SPIN1: variants seen among roughly 807,000 people sequenced by gnomAD.
SPIN1 encodes spindlin 1.
SPIN1 carries 3 observed loss-of-function variants against 26.0 expected under a neutral mutation model. That is an observed-to-expected ratio of 0.12 (90% CI 0.05 to 0.30). The LOEUF is 0.30. SPIN1 is among the 10% of genes least tolerant of loss of function. The pLI, the probability that SPIN1 is intolerant of heterozygous loss-of-function variation, is 1.00. For missense variants in SPIN1, 126 were observed against 333.4 expected, an observed-to-expected ratio of 0.38 and a Z score of 4.84; for synonymous variants, 101 against 116.5, an observed-to-expected ratio of 0.87 and a Z score of 0.86.
chr9:88,417,852 T>A (rs1441294078), intron 1 of SPIN1, among the ~76,000 whole-genome samples: 1 of 152,224 alleles, frequency 6.6e-6, no homozygotes, highest in African/African-American at 2.4e-5. Context: ...AAAGAGGTTT[T>A]GTAATTTGCT....
chr9:88,421,351 G>A (rs891365198), intron 1 of SPIN1, among the ~76,000 whole-genome samples: 19 of 152,020 alleles, frequency 1.2e-4, no homozygotes, highest in Admixed American at 6.6e-4. Flanking sequence ...TGCCCAAGCC[G>A]AAGTGCAGTG....
intron 3 of SPIN1, among the ~76,000 whole-genome samples, chr9:88,459,174 T>C (rs1355044488): frequency 6.6e-6 from 1 of 152,228 alleles, no homozygotes; most frequent in Non-Finnish European, 1.5e-5. Flanking sequence ...GCACTAAATA[T>C]GAAGAAAGCC....
At chr9:88,427,937 A>C (rs557486847) in intron 2 of SPIN1, among the ~76,000 whole-genome samples, 2 of 152,278 alleles carry the variant, frequency 1.3e-5, no homozygotes, top group South Asian at 4.2e-4. Flanking sequence ...GGGGTTAAGG[A>C]CTAAATGAGA....
chr9:88,468,693 A>G (rs890467552), intron 5 of SPIN1, 88 bp downstream of exon 5: 3 of 823,768 alleles, frequency 3.6e-6, no homozygotes, highest in Non-Finnish European at 5.1e-6. Context: ...TTTTGCAGAT[A>G]CATTTTTATT....
chr9:88,455,385 G>A (rs2118161200), intron 3 of SPIN1, among the ~76,000 whole-genome samples: 1 of 152,340 alleles, frequency 6.6e-6, no homozygotes, highest in African/African-American at 2.4e-5. Flanking sequence ...GAACCGGGGA[G>A]ACAGAGGTTG....
chr9:88,451,851 G>A (rs931855254), intron 3 of SPIN1, among the ~76,000 whole-genome samples: 3 of 152,184 alleles, frequency 2.0e-5, no homozygotes, highest in South Asian at 2.1e-4. Context: ...GTGAGCCACC[G>A]TGCCCAGCCT....
chr9:88,476,904 G>A lies in SPIN1; in HGVS notation c.*1627G>A, dbSNP rs1156733279. On this transcript the variant is annotated 3_prime_UTR_variant, in exon 6 of 6. Coordinates refer to ENST00000375859, the MANE Select transcript of SPIN1 (RefSeq NM_006717.3). Reference sequence around the variant, plus strand: ...ATCAGAGGTCTGAGTGACCTCTTTTGTGGCTGTTCTTGATGGTTTCCAGGC... The same window carrying A: ...ATCAGAGGTCTGAGTGACCTCTTTTATGGCTGTTCTTGATGGTTTCCAGGC... 6.6e-6 allele frequency: 1 copy of A among 152,184 alleles called. No homozygotes were observed. The highest frequency in any genetic ancestry group is 2.4e-5 in the African/African-American group (1 of 41,438). The allele number at this position is 152,184 out of a possible 1,614,324, so 9.4% of individuals were successfully genotyped here.
At chr9:88,436,804 G>A (rs1278521085) in intron 2 of SPIN1, among the ~76,000 whole-genome samples, 2 of 119,916 alleles carry the variant, frequency 1.7e-5, no homozygotes, top group Non-Finnish European at 3.2e-5. Flanking sequence ...TCGCTCTGTC[G>A]CCCAGGCTGG....
chr9:88,396,354 C>A (rs949821188), intron 1 of SPIN1, among the ~76,000 whole-genome samples: 1 of 152,026 alleles, frequency 6.6e-6, no homozygotes, highest in Non-Finnish European at 1.5e-5. Context: ...GTACTCCCAG[C>A]ACTTTGGGAG....
intron 2 of SPIN1, among the ~76,000 whole-genome samples, chr9:88,444,398 G>T (rs1336867667): frequency 1.3e-5 from 2 of 151,528 alleles, no homozygotes; most frequent in African/African-American, 2.4e-5. Flanking sequence ...CTGCCACTAT[G>T]CCCGGCTAAT....
intron 5 of SPIN1, among the ~76,000 whole-genome samples, chr9:88,473,670 A>G (rs1416849226): frequency 8.0e-6 from 1 of 124,274 alleles, no homozygotes; most frequent in East Asian, 2.1e-4. Flanking sequence ...TGCACGCGCT[A>G]TGGAAGCTTA....
intron 1 of SPIN1, among the ~76,000 whole-genome samples, chr9:88,412,828 C>T (rs538967600): frequency 5.3e-5 from 8 of 151,206 alleles, no homozygotes; most frequent in East Asian, 2.0e-4. Flanking sequence ...GGACTACAGG[C>T]GCATGCCACC....
intron 1 of SPIN1, among the ~76,000 whole-genome samples, chr9:88,425,979 C>T (rs1227547160): frequency 1.3e-5 from 2 of 152,148 alleles, no homozygotes; most frequent in African/African-American, 4.8e-5. Flanking sequence ...CACCCCCATA[C>T]TCTGTTTCTT....
intron 5 of SPIN1, among the ~76,000 whole-genome samples, chr9:88,472,746 C>T (rs967390360): frequency 2.0e-5 from 3 of 152,196 alleles, no homozygotes; most frequent in African/African-American, 7.2e-5. Flanking sequence ...ACCTTGGCCT[C>T]GCAAAGTGCT....
Position 88,430,259 on chromosome 9 carries a change from C to T in SPIN1, c.52+3668C>T, listed in dbSNP as rs79062452. On this transcript the variant is annotated intron_variant, in intron 2 of 5. Transcript: ENST00000375859. ...TCTTCACTCACATGGGCTGATAGGA[C>T]TTAAATAGCCTGGAGCTTTAGCCAC... is the stretch of plus-strand genomic sequence containing the variant. Among the ~76,000 whole-genome samples, 728 of 152,278 alleles carry T rather than the reference C, an allele frequency of 4.8e-3. 5 individuals are homozygous for T. The highest frequency in any genetic ancestry group is 0.016 in the African/African-American group (668 of 41,550).
chr9:88,448,704 G>A (rs141737220), intron 2 of SPIN1, among the ~76,000 whole-genome samples: 1 of 152,210 alleles, frequency 6.6e-6, no homozygotes, highest in Non-Finnish European at 1.5e-5. Flanking sequence ...GTGCTTTTAC[G>A]GCTGATTTGA....
chr9:88,418,469 C>T (rs1434510640), intron 1 of SPIN1, among the ~76,000 whole-genome samples: 1 of 152,188 alleles, frequency 6.6e-6, no homozygotes, highest in African/African-American at 2.4e-5. Context: ...TCAGTTTACA[C>T]TTGACATGTT....
intron 1 of SPIN1, among the ~76,000 whole-genome samples, chr9:88,394,557 A>G (rs375330305): frequency 2.0e-5 from 3 of 152,166 alleles, no homozygotes; most frequent in Non-Finnish European, 4.4e-5. Flanking sequence ...ATTCTTAGCA[A>G]CATTAATATA....
At chr9:88,388,808 C>A (rs1266163896) in intron 1 of SPIN1, among the ~76,000 whole-genome samples, 9 of 150,710 alleles carry the variant, frequency 6.0e-5, no homozygotes, top group African/African-American at 2.2e-4. Context: ...CCGCCCCCCG[C>A]CAACATGGCC....
Sources: allele counts gnomAD v4.1 joint callset (sites outside exome capture counted in the v4.1 genomes callset), GRCh38; gene constraint gnomAD v4.1.1; transcripts MANE v1.5; gene names NCBI Gene and HGNC (gene_info 2026-07-23, HGNC 2026-07-21).